The following CACNG4 variants were observed in gnomAD, a reference collection of about 807,000 sequenced individuals.
The protein encoded by CACNG4 is voltage-dependent calcium channel gamma-4 subunit.
CACNG4 carries 8 observed loss-of-function variants against 22.9 expected under a neutral mutation model. The ratio of observed to expected loss-of-function variants is 0.35; its 90% CI spans 0.21 to 0.63. CACNG4 has a LOEUF of 0.63. CACNG4 is among the 30% of genes least tolerant of loss of function. The probability of loss-of-function intolerance (pLI) is 0.72; values close to 1 mark genes in which losing one functional copy is unlikely to be tolerated. For synonymous variants in CACNG4, 188 were observed against 191.9 expected (o/e 0.98, Z 0.17); for missense variants, 357 against 455.4 (o/e 0.78, Z 1.97).
intron 1 of CACNG4, among the ~76,000 whole-genome samples, chr17:66,967,872 G>A (rs1436036421): frequency 6.6e-6 from 1 of 151,992 alleles, no homozygotes; most frequent in Non-Finnish European, 1.5e-5. Flanking sequence ...TGTGCTTAAG[G>A]TATCCATGCA....
chr17:66,985,571 T>G (rs1026586890), intron 1 of CACNG4, among the ~76,000 whole-genome samples: 1 of 152,180 alleles, frequency 6.6e-6, no homozygotes, highest in Admixed American at 6.5e-5. Context: ...ACTCTTGTCT[T>G]GCAGAATGTG....
intron 1 of CACNG4, among the ~76,000 whole-genome samples, chr17:66,965,499 A>C (rs1598097282): frequency 1.6e-5 from 2 of 128,308 alleles, no homozygotes; most frequent in East Asian, 2.8e-4. Flanking sequence ...CCGCGCCGGC[A>C]CCCCCGGGGG....
At chr17:67,025,034 G>T in intron 3 of CACNG4, 34 bp downstream of exon 3, 1 of 1,548,574 alleles carries the variant, frequency 6.5e-7, no homozygotes, top group East Asian at 2.4e-5. Context: ...GCTGGGCCGG[G>T]AGCTGGGGAC....
In CACNG4 at chr17:67,033,323, G is replaced by A. The variant is rs1053508439; in HGVS notation, c.*2319G>A. Reference sequence around the variant, plus strand: ...TGTGTGTTTCGCCAGTTAAGCACCTGTGACTCCAGTACCTACTACTGGTTT... The same window carrying A: ...TGTGTGTTTCGCCAGTTAAGCACCTATGACTCCAGTACCTACTACTGGTTT... On this transcript the variant is annotated 3_prime_UTR_variant, in exon 4 of 4. Transcript: ENST00000262138. 6.7e-6 allele frequency: 1 copy of A among 148,466 alleles called. No individual in the cohort carries two copies. Among genetic ancestry groups the A allele is most frequent in the East Asian group, 2.0e-4 (1 of 5,018 alleles). 9.2% of individuals were successfully genotyped at this position (148,466 alleles called of 1,614,324 possible).
intron 1 of CACNG4, among the ~76,000 whole-genome samples, chr17:66,971,645 G>A (rs2035205577): frequency 6.6e-6 from 1 of 152,178 alleles, no homozygotes; most frequent in Non-Finnish European, 1.5e-5. Flanking sequence ...AAGGGGACAG[G>A]AAATTGTCAG....
intron 1 of CACNG4, among the ~76,000 whole-genome samples, chr17:66,979,745 C>CTTTTTT (rs35942551): frequency 7.0e-4 from 64 of 91,990 alleles, no homozygotes; most frequent in East Asian, 1.4e-3. Flanking sequence ...TCTTTTCATG[C>CTTTTTT]TTTTTTTTTT....
chr17:67,029,247 G>A (rs530206353), intron 3 of CACNG4, among the ~76,000 whole-genome samples: 182 of 152,268 alleles, frequency 1.2e-3, no homozygotes, highest in South Asian at 2.7e-3. Flanking sequence ...CAGGAGAATC[G>A]CTTGAACCCA....
intron 1 of CACNG4, among the ~76,000 whole-genome samples, chr17:66,995,108 T>C (rs2035366009): frequency 6.6e-6 from 1 of 152,206 alleles, no homozygotes; most frequent in Non-Finnish European, 1.5e-5. Flanking sequence ...TCATTAGATG[T>C]AGAATATTCA....
chr17:66,972,301 G>A (rs1266011844), intron 1 of CACNG4, among the ~76,000 whole-genome samples: 1 of 152,108 alleles, frequency 6.6e-6, no homozygotes, highest in Admixed American at 6.5e-5. Context: ...GTTCAGCATC[G>A]GCTGCCCCTC....
At chr17:67,010,798 G>T (rs997310629) in intron 1 of CACNG4, among the ~76,000 whole-genome samples, 1 of 152,150 alleles carries the variant, frequency 6.6e-6, no homozygotes, top group Non-Finnish European at 1.5e-5. Context: ...ATGGGGTGGT[G>T]TGGGAGAGGG....
chr17:66,994,882 G>C (rs946834264), intron 1 of CACNG4, among the ~76,000 whole-genome samples: 3 of 152,160 alleles, frequency 2.0e-5, no homozygotes, highest in Non-Finnish European at 4.4e-5. Flanking sequence ...AGGGGGGAAT[G>C]GGGGCATTGG....
At position 67,025,795 on chromosome 17, in the gene CACNG4, T is replaced by C. The variant is rs2108823; in HGVS notation, c.445+795T>C. Among the ~76,000 whole-genome samples the C allele has an allele frequency of 6.3e-3, 959 of 152,310 alleles. 10 individuals carry two copies. The highest frequency in any genetic ancestry group is 0.056 in the South Asian group (270 of 4,820). On this transcript the variant is annotated intron_variant, in intron 3 of 3. Transcript: ENST00000262138. ...TCCTGCATTCCCTCGCCCTTTCTCC[T>C]GGAGAGGGTAGATGACTTCCGTTCA...
At chr17:66,975,178 C>T (rs1476733256) in intron 1 of CACNG4, among the ~76,000 whole-genome samples, 2 of 152,228 alleles carry the variant, frequency 1.3e-5, no homozygotes, top group African/African-American at 4.8e-5. Flanking sequence ...TCAAGCCCAG[C>T]TCCAGACAGA....
At chr17:66,966,609 T>C (rs1386270718) in intron 1 of CACNG4, among the ~76,000 whole-genome samples, 2 of 152,020 alleles carry the variant, frequency 1.3e-5, no homozygotes, top group African/African-American at 4.8e-5. Flanking sequence ...GGCCCCCTTT[T>C]CCCCTCCAGA....
chr17:67,024,725 C>CAGGTCCTG, intron 2 of CACNG4, 135 bp from the exon 3 acceptor site: 1 of 1,023,490 alleles, frequency 9.8e-7, no homozygotes, highest in Non-Finnish European at 1.3e-6. Flanking sequence ...CTCGAGTCTC[C>CAGGTCCTG]AGGTCCTGAT....
rs375744713 is a variant in CACNG4, at chr17:66,965,109, G to T, written c.198G>T (p.Leu66=). The T allele has an allele frequency of 4.5e-5, 71 of 1,586,982 alleles. No individual in the cohort carries two copies. The highest frequency in any genetic ancestry group is 6.0e-5 in the Non-Finnish European group (70 of 1,168,710). Reference sequence around the variant, plus strand: ...GCGGCGACCTCACCCACTCTGGTCTGTGGCGGGTGTGCTGCATCGAAGGTA... The same window carrying T: ...GCGGCGACCTCACCCACTCTGGTCTTTGGCGGGTGTGCTGCATCGAAGGTA... ...RARGDLTHSG[L]WRVCCIEGIY... The change falls in exon 1 of 4, where the codon CTG becomes CTT. Residue 66 remains leucine, a synonymous_variant. Coordinates refer to ENST00000262138, the MANE Select transcript of CACNG4 (RefSeq NM_014405.4).
intron 1 of CACNG4, 77 bp downstream of exon 1, chr17:66,965,208 GCGCGCA>G (rs2035161386): frequency 3.8e-6 from 3 of 796,480 alleles, no homozygotes; most frequent in Admixed American, 3.4e-5. Context: ...GCGCGCGCGC[GCGCGCA>G]CACACACACA....
chr17:66,966,114 G>A (rs2035169484), intron 1 of CACNG4, among the ~76,000 whole-genome samples: 1 of 152,224 alleles, frequency 6.6e-6, no homozygotes, highest in Non-Finnish European at 1.5e-5. Flanking sequence ...GGACCGTGGG[G>A]ACAGCTCCCT....
In CACNG4 at chr17:67,030,779, G is replaced by A. The variant is rs145850219; in HGVS notation, c.759G>A (p.Ser253=). 599 of 1,614,132 alleles carry A rather than the reference G, an allele frequency of 3.7e-4. 6 individuals carry two copies. The East Asian group carries it at 0.011, about 30-fold the overall frequency. Residue 253 remains serine, a synonymous_variant, in exon 4 of 4, where the codon TCG becomes TCA. Coordinates refer to ENST00000262138, the MANE Select transcript of CACNG4 (RefSeq NM_014405.4). The surrounding 1 kb of genome is among the most constrained non-coding windows in gnomAD (Gnocchi z 6.4). Reference sequence around the variant, plus strand: ...CCAGCTCAAGGTCCACCGAGGCCTCGCCCTCCAGGGACGTGTCGCCCATGG... The same window carrying A: ...CCAGCTCAAGGTCCACCGAGGCCTCACCCTCCAGGGACGTGTCGCCCATGG... ...SRSSSRSTEA[S]PSRDVSPMGL...
Sources: allele counts gnomAD v4.1 joint callset (sites outside exome capture counted in the v4.1 genomes callset), GRCh38; gene constraint gnomAD v4.1.1; non-coding constraint Gnocchi (gnomAD v3.1); transcripts MANE v1.5; gene names NCBI Gene and HGNC (gene_info 2026-07-23, HGNC 2026-07-21).